RPA2: variants seen among roughly 807,000 people sequenced by gnomAD.
The protein encoded by RPA2 is replication protein A 32 kDa subunit.
In RPA2, 22 loss-of-function variants were observed where a neutral mutation model predicts 33.4. That is an observed-to-expected ratio of 0.66 (90% CI 0.47 to 0.94). RPA2 has a LOEUF of 0.94. RPA2 is among the 40% of genes least tolerant of loss of function. The pLI is 0.00. For missense variants in RPA2, 279 were observed against 329.9 expected, an observed-to-expected ratio of 0.85 and a Z score of 1.19; for synonymous variants, 109 against 114.9, an observed-to-expected ratio of 0.95 and a Z score of 0.33.
chr1:27,906,161 G>A (rs896282880), intron 4 of RPA2, among the ~76,000 whole-genome samples: 5 of 151,944 alleles, frequency 3.3e-5, no homozygotes, highest in Admixed American at 2.0e-4. Flanking sequence ...CCTGAGGTCA[G>A]GAGTTTGAGA....
chr1:27,914,384 A>G (rs780160798), intron 1 of RPA2, 50 bp downstream of exon 1: 16 of 1,613,708 alleles, frequency 9.9e-6, no homozygotes, highest in Non-Finnish European at 1.3e-5. Context: ...CCCTCTTGCT[A>G]AAACCTCCTG....
intron 4 of RPA2, among the ~76,000 whole-genome samples, chr1:27,899,096 G>A (rs2089929689): frequency 6.6e-6 from 1 of 152,108 alleles, no homozygotes; most frequent in African/African-American, 2.4e-5. Flanking sequence ...ACTCTGGCCA[G>A]GTGCAGTGAC....
At chr1:27,892,843 T>A (rs1380445435) in intron 8 of RPA2, among the ~76,000 whole-genome samples, 1 of 152,158 alleles carries the variant, frequency 6.6e-6, no homozygotes, top group Non-Finnish European at 1.5e-5. Context: ...GGACAGGAAA[T>A]GGAATCAGCC....
Position 27,914,480 on chromosome 1 carries a change from G to A in RPA2, c.-37C>T, listed in dbSNP as rs1265363536. The A allele has an allele frequency of 6.3e-7, 1 of 1,591,898 alleles. No homozygotes were observed. The highest frequency in any genetic ancestry group is 1.7e-5 in the Admixed American group (1 of 57,590). The stretch of plus-strand genomic sequence containing the variant: ...TTCTCCGCAAAGAGGCCGAGAAGGT[G>A]CGGGTCTGGGGGAATAGCGGAAAAC... On this transcript the variant is annotated 5_prime_UTR_variant, in exon 1 of 9. Transcript: ENST00000373912.
chr1:27,909,013 G>A (rs962962290), intron 2 of RPA2, among the ~76,000 whole-genome samples: 5 of 152,136 alleles, frequency 3.3e-5, no homozygotes, highest in African/African-American at 1.2e-4. Context: ...AAAGCTTACT[G>A]GCAAAAGAGG....
At position 27,914,304 on chromosome 1, in the gene RPA2, C is replaced by T. The variant is rs562540662; in HGVS notation, c.10+130G>A. 9.2e-4 allele frequency: 1,476 copies of T among 1,608,004 alleles called. 1 individual carries two copies. Among genetic ancestry groups the T allele is most frequent in the Non-Finnish European group, 1.0e-3 (1,230 of 1,177,026 alleles). On this transcript the variant is annotated intron_variant, in intron 1 of 8. Coordinates refer to ENST00000373912, the MANE Select transcript of RPA2 (RefSeq NM_002946.5). Reference sequence around the variant, plus strand: ...TCCTCGCCGCCTTCCTGCGGGTGACCCCCAAACGCCCCAGCTCCGCTCCCG... The same window carrying T: ...TCCTCGCCGCCTTCCTGCGGGTGACTCCCAAACGCCCCAGCTCCGCTCCCG...
intron 2 of RPA2, among the ~76,000 whole-genome samples, chr1:27,912,963 T>C (rs1462389491): frequency 3.3e-5 from 5 of 152,108 alleles, no homozygotes; most frequent in Non-Finnish European, 7.4e-5. Context: ...CACATTTCTT[T>C]TTTTGAGACA....
intron 2 of RPA2, among the ~76,000 whole-genome samples, chr1:27,909,191 C>T (rs924226184): frequency 6.6e-6 from 1 of 152,162 alleles, no homozygotes; most frequent in Admixed American, 6.5e-5. Context: ...GGACCAATAC[C>T]TGTACTACAT....
chr1:27,904,953 A>T (rs533348960), intron 4 of RPA2, among the ~76,000 whole-genome samples: 24 of 152,288 alleles, frequency 1.6e-4, no homozygotes, highest in Non-Finnish European at 2.8e-4. Context: ...TGCCCAGCCT[A>T]AAACAGTCTT....
intron 4 of RPA2, among the ~76,000 whole-genome samples, chr1:27,902,900 C>CA (rs138191958): frequency 0.047 from 7,173 of 152,156 alleles, 479 homozygotes; most frequent in African/African-American, 0.16. Context: ...TATTTCCCCC[C>CA]AGAAAACCTA....
At chr1:27,908,607 T>A (rs1450172788) in intron 2 of RPA2, among the ~76,000 whole-genome samples, 2 of 152,044 alleles carry the variant, frequency 1.3e-5, no homozygotes, top group African/African-American at 4.8e-5. Context: ...GCAATTCTCC[T>A]GTCTCAGCCC....
intron 6 of RPA2, 96 bp downstream of exon 6, chr1:27,896,909 C>T: frequency 6.3e-6 from 5 of 797,724 alleles, no homozygotes; most frequent in Non-Finnish European, 1.0e-5. Context: ...TTCTCTGGCT[C>T]GGCCTTCAAA....
In RPA2 at chr1:27,914,121, T is replaced by A; in HGVS notation, c.59A>T (p.Tyr20Phe). The A allele has an allele frequency of 6.2e-7, 1 of 1,612,304 alleles. No individual in the cohort carries two copies. Among genetic ancestry groups the A allele is most frequent in the South Asian group, 1.1e-5 (1 of 90,958 alleles). The change falls in exon 2 of 9, where the codon TAC becomes TTC. Residue 20 changes from tyrosine to phenylalanine, a missense_variant. Tyr to Phe is a conservative substitution (Grantham distance 22). This residue lies in a region of RPA2 where 274 missense variants were observed against 310.3 expected (regional missense o/e 0.88). Coordinates refer to ENST00000373912, the MANE Select transcript of RPA2 (RefSeq NM_002946.5). ...GSSSYGGAGGYTQSPGGFGSP... is the reference protein window; with the variant it reads ...GSSSYGGAGGFTQSPGGFGSP... Reference sequence around the variant, plus strand: ...TCCAAAGCCCCCCGGGGACTGCGTGTAGCCGCCGGCTCCCCCGTATGAGGA... The same window carrying A: ...TCCAAAGCCCCCCGGGGACTGCGTGAAGCCGCCGGCTCCCCCGTATGAGGA...
At chr1:27,894,440 G>A (rs569348244) in intron 6 of RPA2, 43 bp from the exon 7 acceptor site, 1 of 1,534,450 alleles carries the variant, frequency 6.5e-7, no homozygotes, top group East Asian at 2.2e-5. Flanking sequence ...AATCCATCAA[G>A]TTAAACAGTC....
chr1:27,893,390 T>G (rs1036261245), intron 8 of RPA2, among the ~76,000 whole-genome samples: 2 of 150,992 alleles, frequency 1.3e-5, no homozygotes, highest in African/African-American at 4.9e-5. Flanking sequence ...ACTGCAGCCT[T>G]GACTTTCTGG....
At position 27,907,168 on chromosome 1, in the gene RPA2, T is replaced by A; in HGVS notation, c.219+13A>T. On this transcript the variant is annotated intron_variant, in intron 3 of 8. Coordinates refer to ENST00000373912, the MANE Select transcript of RPA2 (RefSeq NM_002946.5). ...TATGAGTAAGTGATTCTTTCACAAA[T>A]TATTTGACATACCTGTGAAATCTCA... 6.2e-7 allele frequency: 1 copy of A among 1,604,268 alleles called. No homozygotes were observed. Among genetic ancestry groups the A allele is most frequent in the Non-Finnish European group, 8.5e-7 (1 of 1,175,682 alleles).
At chr1:27,897,774 T>C (rs1388518187) in intron 4 of RPA2, 67 bp from the exon 5 acceptor site, 1 of 1,107,042 alleles carries the variant, frequency 9.0e-7, no homozygotes, top group Non-Finnish European at 1.3e-6. Flanking sequence ...TTAACGTTTC[T>C]ATATTATGTA....
intron 4 of RPA2, among the ~76,000 whole-genome samples, chr1:27,902,546 A>G (rs1307688919): frequency 6.6e-6 from 1 of 152,074 alleles, no homozygotes; most frequent in Non-Finnish European, 1.5e-5. Flanking sequence ...GGCCTCCCCA[A>G]AGTCCTGGGA....
At chr1:27,899,675 T>G (rs927851727) in intron 4 of RPA2, among the ~76,000 whole-genome samples, 2 of 151,948 alleles carry the variant, frequency 1.3e-5, no homozygotes, top group African/African-American at 4.8e-5. Context: ...AGAAATAATA[T>G]GAACAATTTT....
Sources: allele counts gnomAD v4.1 joint callset (sites outside exome capture counted in the v4.1 genomes callset), GRCh38; gene constraint gnomAD v4.1.1; regional missense constraint gnomAD v4.1.1; transcripts MANE v1.5; gene names NCBI Gene and HGNC (gene_info 2026-07-23, HGNC 2026-07-21).